Variants in LDAH observed in about 807,000 individuals in gnomAD.
LDAH encodes lipid droplet-associated hydrolase.
LDAH carries 26 observed loss-of-function variants against 29.6 expected under a neutral mutation model. The ratio of observed to expected loss-of-function variants is 0.88; its 90% CI spans 0.64 to 1.22. The LOEUF (loss-of-function observed/expected upper bound fraction) is 1.22, where lower values mean the gene tolerates loss of function less well. Ranked by LOEUF, LDAH falls within the 50% of genes most tolerant of loss-of-function variation. LDAH has a pLI of 0.00. For missense variants in LDAH, 344 were observed against 387.3 expected (o/e 0.89, Z 0.94); for synonymous variants, 117 against 133.0 (o/e 0.88, Z 0.83).
intron 5 of LDAH, among the ~76,000 whole-genome samples, chr2:20,727,580 T>C (rs1364158437): frequency 6.6e-6 from 1 of 152,210 alleles, no homozygotes; most frequent in Non-Finnish European, 1.5e-5. Context: ...GGAAATAAAA[T>C]ATCAATTTGG....
intron 1 of LDAH, among the ~76,000 whole-genome samples, chr2:20,818,309 A>G (rs1672995905): frequency 1.3e-5 from 2 of 152,150 alleles, no homozygotes; most frequent in Non-Finnish European, 2.9e-5. Flanking sequence ...ATAATTATAT[A>G]TGTATTTAAT....
In LDAH at chr2:20,686,331, T is replaced by A. The variant is rs1451836311; in HGVS notation, c.*572A>T. On this transcript the variant is annotated 3_prime_UTR_variant, in exon 7 of 7. Transcript: ENST00000237822. ...TAGTGCAGGTACATTAGACGTCACA[T>A]TGATGATCTCAGCCAAGATCTGTGC... 6.6e-6 allele frequency: 1 copy of A among 152,584 alleles called. No homozygotes were observed. 9.5% of individuals were successfully genotyped at this position (152,584 alleles called of 1,614,324 possible). A position where few individuals can be genotyped will look rare whatever the true frequency, so the allele number is the denominator to read the frequency against.
intron 4 of LDAH, among the ~76,000 whole-genome samples, chr2:20,745,818 A>G (rs967870342): frequency 2.0e-5 from 3 of 152,248 alleles, no homozygotes; most frequent in Non-Finnish European, 2.9e-5. Context: ...GATGGTAGTA[A>G]GTCACAAGTC....
chr2:20,687,304 C>T (rs1662634983), intron 6 of LDAH, among the ~76,000 whole-genome samples: 1 of 152,110 alleles, frequency 6.6e-6, no homozygotes, highest in Admixed American at 6.5e-5. Flanking sequence ...GGGAAGATCC[C>T]CATGCTGGGA....
At chr2:20,735,674 T>G (rs925288797) in intron 5 of LDAH, among the ~76,000 whole-genome samples, 1 of 152,090 alleles carries the variant, frequency 6.6e-6, no homozygotes, top group African/African-American at 2.4e-5. Flanking sequence ...ACAGTTTGAG[T>G]ATTATGTTAT....
chr2:20,757,821 G>A (rs554153182), intron 4 of LDAH, among the ~76,000 whole-genome samples: 11 of 151,836 alleles, frequency 7.2e-5, no homozygotes, highest in African/African-American at 2.7e-4. Context: ...GACTCAAAAT[G>A]AAACATCAGC....
At chr2:20,706,741 A>G (rs1664331418) in intron 5 of LDAH, among the ~76,000 whole-genome samples, 1 of 152,026 alleles carries the variant, frequency 6.6e-6, no homozygotes, top group South Asian at 2.1e-4. Context: ...TGAAGAAAAA[A>G]GTTTTCAAGA....
Position 20,740,104 on chromosome 2 carries a change from G to C in LDAH, c.570C>G (p.Leu190=), listed in dbSNP as rs944306934. The change falls in exon 5 of 7, where the codon CTC becomes CTG. Residue 190 remains leucine (L), a synonymous_variant. Transcript: ENST00000237822. ...TPLLCWFRYV[L]YVTGYLLLKP... ...TCAATAATAAGTAGCCAGTAACATA[G>C]AGAACATATCGAAACCAGCACAAAA... is the stretch of plus-strand genomic sequence containing the variant. 2.5e-6 allele frequency: 4 copies of C among 1,613,990 alleles called. No homozygotes were observed. The African/African-American group carries it at 4.0e-5, about 16-fold the overall frequency.
intron 5 of LDAH, among the ~76,000 whole-genome samples, chr2:20,726,515 T>G (rs1276587791): frequency 6.6e-6 from 1 of 152,180 alleles, no homozygotes; most frequent in Non-Finnish European, 1.5e-5. Context: ...AAAGGTTAAG[T>G]AGGACCAGAT....
At position 20,790,336 on chromosome 2, in the gene LDAH, T is replaced by C. The variant is rs756641787; in HGVS notation, c.217A>G (p.Arg73Gly). The stretch of plus-strand genomic sequence containing the variant: ...CTGATAGTCCAAACTGGAAAGCGTC[T>C]GTTTGTCAAAGAGTATAAAGCCTTT... ...FAKALYSLTN[R>G]RFPVWTISHA... Residue 73 changes from arginine to glycine, a missense_variant, in exon 3 of 7, where the codon AGA (arginine) becomes GGA (glycine). Transcript: ENST00000237822. 2.5e-6 allele frequency: 4 copies of C among 1,614,180 alleles called. No individual in the cohort carries two copies. The East Asian group carries it at 8.9e-5, about 36-fold the overall frequency.
chr2:20,761,908 T>C (rs1668717323), intron 4 of LDAH, among the ~76,000 whole-genome samples: 1 of 151,556 alleles, frequency 6.6e-6, no homozygotes. Context: ...ATGTCTATAA[T>C]AGTGAATAAA....
chr2:20,743,311 C>CTT (rs56001378), intron 4 of LDAH, among the ~76,000 whole-genome samples: 7,122 of 135,920 alleles, frequency 0.052, 245 homozygotes, highest in African/African-American at 0.1. Flanking sequence ...TCCAAGTCCA[C>CTT]TTTTTTTTTT....
chr2:20,684,804 A>G lies in LDAH; in HGVS notation c.*2099T>C, dbSNP rs139289682. On this transcript the variant is annotated 3_prime_UTR_variant, in exon 7 of 7. Transcript: ENST00000237822. ...TTCACAAAGACCATCCATGTGGTTGACTGGGACATACAGGCAGAGCTGCTT... is the reference window on the plus strand; with the variant it reads ...TTCACAAAGACCATCCATGTGGTTGGCTGGGACATACAGGCAGAGCTGCTT... 434 of 1,469,374 alleles carry G rather than the reference A, an allele frequency of 3.0e-4. 2 individuals carry two copies. In the African/African-American group the frequency reaches 5.2e-3, roughly 18 times the overall value. 91.0% of individuals were successfully genotyped at this position (1,469,374 alleles called of 1,614,324 possible). A position where few individuals can be genotyped will look rare whatever the true frequency, so the allele number is the denominator to read the frequency against.
chr2:20,786,446 T>A (rs1670561029), intron 3 of LDAH, among the ~76,000 whole-genome samples: 1 of 152,116 alleles, frequency 6.6e-6, no homozygotes, highest in Non-Finnish European at 1.5e-5. Flanking sequence ...CGCCTCAGCC[T>A]CCCAAAGTGC....
At chr2:20,771,517 A>G (rs1332357604) in intron 4 of LDAH, among the ~76,000 whole-genome samples, 1 of 152,244 alleles carries the variant, frequency 6.6e-6, no homozygotes, top group Non-Finnish European at 1.5e-5. Flanking sequence ...GGAGCATGTC[A>G]TGCTAACTTC....
chr2:20,717,180 C>G (rs1558406939), intron 5 of LDAH, among the ~76,000 whole-genome samples: 1 of 152,158 alleles, frequency 6.6e-6, no homozygotes, highest in Non-Finnish European at 1.5e-5. Flanking sequence ...GAGAATATTT[C>G]ATAACTTTGG....
chr2:20,709,195 A>G (rs1664521073), intron 5 of LDAH, among the ~76,000 whole-genome samples: 1 of 152,172 alleles, frequency 6.6e-6, no homozygotes, highest in Non-Finnish European at 1.5e-5. Context: ...AATTAAAAAT[A>G]TTGTGCAGTT....
intron 4 of LDAH, among the ~76,000 whole-genome samples, chr2:20,759,435 G>C (rs1668535358): frequency 6.6e-6 from 1 of 152,098 alleles, no homozygotes; most frequent in African/African-American, 2.4e-5. Flanking sequence ...CTTTCATTTA[G>C]TGCCTAGCTT....
At chr2:20,683,580 C>A (rs780599268), downstream of LDAH, among the ~76,000 whole-genome samples, 1 of 152,184 alleles carries the variant, frequency 6.6e-6, no homozygotes, top group Non-Finnish European at 1.5e-5. Context: ...TGCAGGGAGG[C>A]CTGAATGGGC....
Sources: gnomAD v4.1 joint callset for allele counts (sites outside exome capture counted in the v4.1 genomes callset) on GRCh38, gnomAD v4.1.1 for gene constraint, MANE v1.5 for transcripts, NCBI Gene and HGNC (gene_info 2026-07-23, HGNC 2026-07-21) for gene names.